The following SH3RF1 variants were observed in gnomAD, a reference collection of about 807,000 sequenced individuals.
The protein encoded by SH3RF1 is SH3 domain containing ring finger 1, also known as E3 ubiquitin-protein ligase SH3RF1.
In SH3RF1, 32 loss-of-function variants were observed where a neutral mutation model predicts 74.0. The ratio of observed to expected loss-of-function variants is 0.43; its 90% CI spans 0.33 to 0.58. The LOEUF (loss-of-function observed/expected upper bound fraction) is 0.58, where lower values mean the gene tolerates loss of function less well. Among genes scored for constraint, SH3RF1 ranks in the 20% least tolerant of loss-of-function variants. The pLI, the probability that SH3RF1 is intolerant of heterozygous loss-of-function variation, is 0.05. For missense variants in SH3RF1, 954 were observed against 1,130.9 expected (o/e 0.84, Z 2.24); for synonymous variants, 396 against 439.6 (o/e 0.90, Z 1.24).
At chr4:169,140,299 G>T in intron 4 of SH3RF1, among the ~76,000 whole-genome samples, 1 of 152,190 alleles carries the variant, frequency 6.6e-6, no homozygotes, top group Non-Finnish European at 1.5e-5. Context: ...ATGAATGTTT[G>T]AGCTCAGTAG....
chr4:169,242,039 G>A (rs1275612430), intron 2 of SH3RF1, among the ~76,000 whole-genome samples: 1 of 152,126 alleles, frequency 6.6e-6, no homozygotes, highest in Non-Finnish European at 1.5e-5. Flanking sequence ...AAGATTATAT[G>A]TCAAAGAATA....
At chr4:169,157,410 C>A (rs1157789691) in intron 2 of SH3RF1, among the ~76,000 whole-genome samples, 1 of 152,178 alleles carries the variant, frequency 6.6e-6, no homozygotes, top group Non-Finnish European at 1.5e-5. Context: ...GGCTGATAAG[C>A]TAAGAGATGA....
intron 2 of SH3RF1, among the ~76,000 whole-genome samples, chr4:169,160,961 C>T (rs1039938679): frequency 4.6e-5 from 7 of 152,204 alleles, no homozygotes; most frequent in Non-Finnish European, 5.9e-5. Flanking sequence ...TCATCTCCTT[C>T]GAAAGGTCTG....
chr4:169,182,940 G>A (rs370688117), intron 2 of SH3RF1, among the ~76,000 whole-genome samples: 8 of 152,276 alleles, frequency 5.3e-5, no homozygotes, highest in Admixed American at 3.3e-4. Context: ...AACTACTAAA[G>A]GAAGACTGAA....
intron 2 of SH3RF1, among the ~76,000 whole-genome samples, chr4:169,249,200 C>T (rs1174911503): frequency 6.6e-6 from 1 of 152,100 alleles, no homozygotes; most frequent in Non-Finnish European, 1.5e-5. Flanking sequence ...TGCACTCCAG[C>T]CTGGGCAACA....
intron 5 of SH3RF1, among the ~76,000 whole-genome samples, chr4:169,135,825 T>C (rs999633299): frequency 6.6e-6 from 1 of 152,248 alleles, no homozygotes; most frequent in Non-Finnish European, 1.5e-5. Context: ...GGTCAATTTC[T>C]AATTTAAATT....
At chr4:169,211,643 G>A (rs1029727418) in intron 2 of SH3RF1, among the ~76,000 whole-genome samples, 4 of 152,106 alleles carry the variant, frequency 2.6e-5, no homozygotes, top group South Asian at 4.2e-4. Context: ...ATGAAGGCCT[G>A]CGTGCTTCTA....
intron 2 of SH3RF1, among the ~76,000 whole-genome samples, chr4:169,178,916 G>C (rs188697647): frequency 1.3e-5 from 2 of 152,252 alleles, no homozygotes; most frequent in East Asian, 3.9e-4. Flanking sequence ...TTCACTGATA[G>C]CTTAATACAA....
chr4:169,175,486 C>T (rs1579120429), intron 2 of SH3RF1, among the ~76,000 whole-genome samples: 4 of 152,254 alleles, frequency 2.6e-5, no homozygotes, highest in East Asian at 1.9e-4. Context: ...CCTCAGGATC[C>T]TTCTCTTACT....
At chr4:169,218,274 A>T (rs1010995109) in intron 2 of SH3RF1, among the ~76,000 whole-genome samples, 7 of 138,080 alleles carry the variant, frequency 5.1e-5, no homozygotes, top group Non-Finnish European at 7.7e-5. Context: ...TATAGAATAT[A>T]AATATATAAT....
At chr4:169,129,282 A>G (rs1248668380) in intron 6 of SH3RF1, among the ~76,000 whole-genome samples, 1 of 152,270 alleles carries the variant, frequency 6.6e-6, no homozygotes, top group East Asian at 1.9e-4. Flanking sequence ...ATGTCTCACA[A>G]CTGCTAGTTC....
rs563562948 is a variant in SH3RF1 at position 169,217,839 on chromosome 4, C to A, written c.393+50981G>T. ...AACCGTATACTTTAAAATGTTAAGT[C>A]TTATGCACATTTTACCAAAAAACAA... On this transcript the variant is annotated intron_variant, in intron 2 of 11. Transcript: ENST00000284637. Among the ~76,000 whole-genome samples, 9 of 152,146 alleles carry A rather than the reference C, an allele frequency of 5.9e-5. No individual in the cohort carries two copies. In the South Asian group the frequency reaches 1.7e-3, roughly 28 times the overall value.
chr4:169,139,811 TG>T lies in SH3RF1; in HGVS notation c.766-3192del, dbSNP rs145849076. The stretch of plus-strand genomic sequence containing the variant: ...TCCTAGCACAGCCATTACCTAACTT[TG>T]GGGCCTTAAGGGAGCCATCTTACCT... On this transcript the variant is annotated intron_variant, in intron 4 of 11. Coordinates refer to ENST00000284637, the MANE Select transcript of SH3RF1 (RefSeq NM_020870.4). Among the ~76,000 whole-genome samples, 1,241 of 152,340 alleles carry T rather than the reference TG, an allele frequency of 8.1e-3. 24 individuals are homozygous for T. The highest frequency in any genetic ancestry group is 0.028 in the African/African-American group (1,184 of 41,564).
chr4:169,193,208 T>C (rs1734758230), intron 2 of SH3RF1, among the ~76,000 whole-genome samples: 1 of 152,004 alleles, frequency 6.6e-6, no homozygotes, highest in South Asian at 2.1e-4. Flanking sequence ...GTGATGGGTG[T>C]CCAAAATCTC....
intron 4 of SH3RF1, among the ~76,000 whole-genome samples, chr4:169,152,877 A>G (rs1290107554): frequency 6.6e-6 from 1 of 152,182 alleles, no homozygotes; most frequent in East Asian, 1.9e-4. Context: ...ACAGGAAGAG[A>G]GGGCAAACTA....
At chr4:169,220,191 AT>A (rs1414033784) in intron 2 of SH3RF1, 1 of 152,226 alleles carries the variant, frequency 6.6e-6, no homozygotes, top group Non-Finnish European at 1.5e-5. Flanking sequence ...AATGTGCATA[AT>A]TTTGACTGCT....
At chr4:169,146,131 TTATATATC>T (rs1733885544) in intron 4 of SH3RF1, among the ~76,000 whole-genome samples, 1 of 125,052 alleles carries the variant, frequency 8.0e-6, no homozygotes, top group Non-Finnish European at 1.6e-5. Flanking sequence ...ATTCTATATA[TTATATATC>T]TATATATTCT....
intron 2 of SH3RF1, among the ~76,000 whole-genome samples, chr4:169,200,512 T>A (rs1463816266): frequency 2.0e-5 from 3 of 152,068 alleles, no homozygotes; most frequent in African/African-American, 7.2e-5. Context: ...AAAAAAGAAG[T>A]ATTTACTTCA....
chr4:169,100,161 T>TTTTCTTTA (rs1387443636), intron 11 of SH3RF1, among the ~76,000 whole-genome samples: 1 of 152,200 alleles, frequency 6.6e-6, no homozygotes, highest in Non-Finnish European at 1.5e-5. Flanking sequence ...CTCACTCGGA[T>TTTTCTTTA]TATGCTTTTC....
Sources: gnomAD v4.1 joint callset for allele counts (sites outside exome capture counted in the v4.1 genomes callset) on GRCh38, gnomAD v4.1.1 for gene constraint, MANE v1.5 for transcripts, NCBI Gene and HGNC (gene_info 2026-07-23, HGNC 2026-07-21) for gene names.